Variants in SMPDL3B observed in about 807,000 individuals in gnomAD.
SMPDL3B encodes sphingomyelin phosphodiesterase acid like 3B, also known as acid sphingomyelinase-like phosphodiesterase 3b.
Under a neutral mutation model 37.9 loss-of-function variants are expected in SMPDL3B, and 31 were observed. The ratio of observed to expected loss-of-function variants is 0.82; its 90% CI spans 0.61 to 1.10. SMPDL3B has a LOEUF of 1.10. Ranked by LOEUF, SMPDL3B falls within the 50% of genes least tolerant of loss-of-function variation. The pLI is 0.00. For missense variants in SMPDL3B, 525 were observed against 597.8 expected, an observed-to-expected ratio of 0.88 and a Z score of 1.27; for synonymous variants, 235 against 242.6, an observed-to-expected ratio of 0.97 and a Z score of 0.29.
At position 27,957,250 on chromosome 1, in the gene SMPDL3B, G is replaced by T. The variant is rs61789698; in HGVS notation, c.1005+1168G>T. ...AGATGACAGGATAGTAGCTTGCCCA[G>T]GGTGGAGGCAGTGAGATGGTGAAAA... is the stretch of plus-strand genomic sequence containing the variant. On this transcript the variant is annotated intron_variant, in intron 7 of 7. Transcript: ENST00000373894. Among the ~76,000 whole-genome samples, 1,112 of 152,312 alleles carry T rather than the reference G, an allele frequency of 7.3e-3. 11 individuals carry two copies. Among genetic ancestry groups the T allele is most frequent in the Middle Eastern group, 0.017 (5 of 294 alleles).
At chr1:27,955,100 TC>T (rs2090488844) in intron 5 of SMPDL3B, among the ~76,000 whole-genome samples, 1 of 152,208 alleles carries the variant, frequency 6.6e-6, no homozygotes, top group East Asian at 1.9e-4. Flanking sequence ...CAGTAGCGAG[TC>T]CATCATTCTC....
chr1:27,944,722 G>C (rs1278513906), intron 1 of SMPDL3B, among the ~76,000 whole-genome samples: 1 of 150,940 alleles, frequency 6.6e-6, no homozygotes. Flanking sequence ...ATCCAGGTCA[G>C]ACTTTTTTCT....
rs2090468766 is a variant in SMPDL3B, at chr1:27,953,252, T to C, written c.411T>C (p.Phe137=). Residue 137 remains phenylalanine, a synonymous_variant, in exon 4 of 8, where the codon TTT becomes TTC. Transcript: ENST00000373894. ...ATGCTGCTTTGGGAAATCATGATTT[T>C]CACCCCAAAAACCAGTTCCCAGCTG... The part of the protein sequence containing the change: ...KVYAALGNHD[F]HPKNQFPAGS... The C allele has an allele frequency of 1.2e-6, 2 of 1,613,650 alleles. No individual in the cohort carries two copies.
At position 27,955,680 on chromosome 1, in the gene SMPDL3B, G is replaced by A. The variant is rs2090493649; in HGVS notation, c.691-4G>A. 1.2e-6 allele frequency: 2 copies of A among 1,611,078 alleles called. No individual in the cohort carries two copies. The highest frequency in any genetic ancestry group is 2.2e-5 in the East Asian group (1 of 44,810). On this transcript the variant is annotated splice_region_variant and splice_polypyrimidine_tract_variant and intron_variant, in intron 5 of 7. Transcript: ENST00000373894. ...AGCCTCTTCTGGGAACCCCTCCCTT[G>A]TAGGTGTACATTGTCGGCCACGTGC...
intron 3 of SMPDL3B, among the ~76,000 whole-genome samples, chr1:27,951,121 T>C (rs2090452435): frequency 6.6e-6 from 1 of 152,176 alleles, no homozygotes; most frequent in African/African-American, 2.4e-5. Context: ...CTACTACACT[T>C]GCATGTTTAT....
In SMPDL3B at chr1:27,949,048, T is replaced by G; in HGVS notation, c.276-17T>G. 1 of 1,614,138 alleles carries G rather than the reference T, an allele frequency of 6.2e-7. No homozygotes were observed. Among genetic ancestry groups the G allele is most frequent in the Non-Finnish European group, 8.5e-7 (1 of 1,179,986 alleles). Reference sequence around the variant, plus strand: ...CCTGAGTTGCCTGCCCCAAATTGGCTTGGTGGTGTTTTGTAGTGATGACAC... The same window carrying G: ...CCTGAGTTGCCTGCCCCAAATTGGCGTGGTGGTGTTTTGTAGTGATGACAC... On this transcript the variant is annotated splice_polypyrimidine_tract_variant and intron_variant, in intron 2 of 7. Coordinates refer to ENST00000373894, the MANE Select transcript of SMPDL3B (RefSeq NM_014474.4).
intron 7 of SMPDL3B, chr1:27,956,352 C>CT: frequency 7.5e-7 from 1 of 1,328,596 alleles, no homozygotes; most frequent in Admixed American, 2.7e-5. Flanking sequence ...TGCTATGGCC[C>CT]ATCCGCTACA....
intron 1 of SMPDL3B, among the ~76,000 whole-genome samples, chr1:27,944,080 C>T (rs1389334652): frequency 6.6e-6 from 1 of 151,360 alleles, no homozygotes; most frequent in Non-Finnish European, 1.5e-5. Flanking sequence ...AAGTCTACTC[C>T]ATCTCACCTG....
At chr1:27,937,013 T>G (rs939284001) in intron 1 of SMPDL3B, among the ~76,000 whole-genome samples, 2 of 136,722 alleles carry the variant, frequency 1.5e-5, no homozygotes, top group Admixed American at 8.1e-5. Flanking sequence ...AGAGTGAGGC[T>G]CCGTCTCAAA....
intron 5 of SMPDL3B, 55 bp downstream of exon 5, chr1:27,954,581 TC>T: frequency 6.4e-7 from 1 of 1,559,850 alleles, no homozygotes; most frequent in Non-Finnish European, 8.8e-7. Context: ...TGCACAAGTC[TC>T]CCGCTTGGCA....
intron 1 of SMPDL3B, among the ~76,000 whole-genome samples, chr1:27,942,564 C>T (rs1272616327): frequency 2.0e-5 from 3 of 152,326 alleles, no homozygotes; most frequent in Admixed American, 6.5e-5. Context: ...CTGCAACCTC[C>T]GCCTCCTGGG....
intron 5 of SMPDL3B, 56 bp downstream of exon 5, chr1:27,954,582 C>G: frequency 6.4e-7 from 1 of 1,556,224 alleles, no homozygotes; most frequent in East Asian, 2.2e-5. Flanking sequence ...GCACAAGTCT[C>G]CCGCTTGGCA....
At position 27,958,111 on chromosome 1, in the gene SMPDL3B, T is replaced by C. The variant is rs956107499; in HGVS notation, c.1006-365T>C. Among the ~76,000 whole-genome samples the C allele has an allele frequency of 2.0e-5, 3 of 152,202 alleles. No homozygotes were observed. The highest frequency in any genetic ancestry group is 2.9e-5 in the Non-Finnish European group (2 of 68,040). On this transcript the variant is annotated intron_variant, in intron 7 of 7. Transcript: ENST00000373894. The surrounding 1 kb of genome is among the most constrained non-coding windows in gnomAD (Gnocchi z 5.6). Reference sequence around the variant, plus strand: ...GCTCTTTTTATGTTGCTTTTATCTATTCATTATGTAAATATTTACTGAGCG... The same window carrying C: ...GCTCTTTTTATGTTGCTTTTATCTACTCATTATGTAAATATTTACTGAGCG...
At position 27,959,036 on chromosome 1, in the gene SMPDL3B, C is replaced by T. The variant is rs1285074640; in HGVS notation, c.*198C>T. 1 of 618,780 alleles carries T rather than the reference C, an allele frequency of 1.6e-6. No individual in the cohort carries two copies. Among genetic ancestry groups the T allele is most frequent in the Admixed American group, 3.0e-5 (1 of 33,004 alleles). 38.3% of individuals were successfully genotyped at this position (618,780 alleles called of 1,614,324 possible). On this transcript the variant is annotated 3_prime_UTR_variant, in exon 8 of 8. Transcript: ENST00000373894. ...CTCCAGCCTGGGTGACAAAGCCAGA[C>T]TCTCTCCAAAAACAAACCAGAAACA...
At position 27,953,223 on chromosome 1, in the gene SMPDL3B, G is replaced by A. The variant is rs1386674510; in HGVS notation, c.382G>A (p.Val128Ile). 2 of 1,612,870 alleles carry A rather than the reference G, an allele frequency of 1.2e-6. No individual in the cohort carries two copies. Among genetic ancestry groups the A allele is most frequent in the South Asian group, 2.2e-5 (2 of 90,850 alleles). Residue 128 changes from valine to isoleucine, a missense_variant, in exon 4 of 8, where the codon GTC (valine) becomes ATC (isoleucine). By Grantham distance (29) the Val-to-Ile change is conservative. Coordinates refer to ENST00000373894, the MANE Select transcript of SMPDL3B (RefSeq NM_014474.4). ...LIREVFPDTK[V>I]YAALGNHDFH... ...TCACCCTTTCTTCCTAGATACTAAA[G>A]TCTATGCTGCTTTGGGAAATCATGA...
intron 1 of SMPDL3B, among the ~76,000 whole-genome samples, chr1:27,935,703 T>C (rs1571642815): frequency 1.3e-5 from 2 of 151,588 alleles, no homozygotes; most frequent in East Asian, 3.9e-4. Context: ...AGATGATAAG[T>C]GTTATGGGGA....
At chr1:27,944,377 CAG>C (rs2090388216) in intron 1 of SMPDL3B, among the ~76,000 whole-genome samples, 1 of 152,102 alleles carries the variant, frequency 6.6e-6, no homozygotes, top group Non-Finnish European at 1.5e-5. Flanking sequence ...GTTTTGGAGA[CAG>C]AGTCTTGCTC....
In SMPDL3B at chr1:27,945,345, TG is replaced by T; in HGVS notation, c.179del (p.Gly60ValfsTer19). The T allele has an allele frequency of 6.2e-7, 1 of 1,614,190 alleles. No homozygotes were observed. The highest frequency in any genetic ancestry group is 8.5e-7 in the Non-Finnish European group (1 of 1,180,012). ...CCAGCCAGTGCCCGACGCAGGCCCC[TG>T]GGGTGACTACCTCTGTGATTCTCCC... ...GSQPVPDAGP[W>X]GDYLCDSPWA... On this transcript the variant is annotated frameshift_variant, in exon 2 of 8. Transcript: ENST00000373894. LOFTEE classifies it high-confidence loss of function. The surrounding 1 kb of genome is among the most constrained non-coding windows in gnomAD (Gnocchi z 4.0).
rs531563706 is a variant in SMPDL3B, at chr1:27,954,459, C to A, written c.623C>A (p.Ala208Glu). ...AGCAATGCGCTGACAGCAGACATGG[C>A]GGACCCTGGCCAGCAGTTCCAGTGG... The part of the protein sequence containing the change: ...YTSNALTADM[A>E]DPGQQFQWLE... The change falls in exon 5 of 8, where the codon GCG becomes GAG. Residue 208 changes from alanine (A) to glutamate (E), a missense_variant. By Grantham distance (107) the Ala-to-Glu change is moderately radical. Transcript: ENST00000373894. 110 of 1,613,940 alleles carry A rather than the reference C, an allele frequency of 6.8e-5. No homozygotes were observed. The highest frequency in any genetic ancestry group is 9.1e-5 in the Non-Finnish European group (107 of 1,180,012).
Sources: allele counts gnomAD v4.1 joint callset (sites outside exome capture counted in the v4.1 genomes callset), GRCh38; gene constraint gnomAD v4.1.1; non-coding constraint Gnocchi (gnomAD v3.1); transcripts MANE v1.5; gene names NCBI Gene and HGNC (gene_info 2026-07-23, HGNC 2026-07-21).